CMSS1: variants seen among roughly 807,000 people sequenced by gnomAD.
CMSS1 encodes cms1 ribosomal small subunit homolog.
A neutral mutation model predicts 43.5 loss-of-function variants in CMSS1; 33 were observed. The ratio of observed to expected loss-of-function variants is 0.76; its 90% CI spans 0.57 to 1.01. The LOEUF is 1.01. Among genes scored for constraint, CMSS1 ranks in the 50% least tolerant of loss-of-function variants. The pLI is 0.00. For synonymous variants in CMSS1, 115 were observed against 117.2 expected (o/e 0.98, Z 0.12); for missense variants, 313 against 326.4 (o/e 0.96, Z 0.32).
chr3:100,087,736 T>C (rs1200593983), intron 1 of CMSS1, among the ~76,000 whole-genome samples: 1 of 152,066 alleles, frequency 6.6e-6, no homozygotes, highest in Non-Finnish European at 1.5e-5. Context: ...AGAAGACCAA[T>C]TGATCAGTGT....
At chr3:100,045,775 A>G (rs2107303579) in intron 1 of CMSS1, among the ~76,000 whole-genome samples, 1 of 152,266 alleles carries the variant, frequency 6.6e-6, no homozygotes, top group East Asian at 1.9e-4. Context: ...ATGTGGGGAA[A>G]CCACAGAAAG....
intron 2 of CMSS1, among the ~76,000 whole-genome samples, chr3:100,149,024 T>A (rs964563237): frequency 6.6e-6 from 1 of 152,194 alleles, no homozygotes; most frequent in Admixed American, 6.5e-5. Flanking sequence ...ATGCCCTCTC[T>A]GACTTTTGCC....
chr3:99,920,103 G>A (rs942802340), intron 1 of CMSS1, among the ~76,000 whole-genome samples: 1 of 152,118 alleles, frequency 6.6e-6, no homozygotes, highest in Non-Finnish European at 1.5e-5. Flanking sequence ...ACAATCCATG[G>A]TTGAAGCCAC....
intron 1 of CMSS1, among the ~76,000 whole-genome samples, chr3:100,064,624 C>A (rs2065631026): frequency 6.6e-6 from 1 of 152,322 alleles, no homozygotes; most frequent in Middle Eastern, 3.4e-3. Context: ...GGAAGGGAGA[C>A]TGGCAAAAGG....
intron 1 of CMSS1, among the ~76,000 whole-genome samples, chr3:100,143,625 A>G (rs532989405): frequency 2.6e-5 from 4 of 152,200 alleles, no homozygotes; most frequent in East Asian, 3.9e-4. Context: ...CATTCTCTCA[A>G]TTTTTAAGAG....
intron 1 of CMSS1, among the ~76,000 whole-genome samples, chr3:99,921,046 G>A (rs187262235): frequency 1.3e-5 from 2 of 152,270 alleles, no homozygotes; most frequent in East Asian, 3.9e-4. Context: ...TGCTGGGAGG[G>A]TTGCTAGTTT....
At chr3:99,920,313 T>C (rs1707086307) in intron 1 of CMSS1, among the ~76,000 whole-genome samples, 1 of 152,024 alleles carries the variant, frequency 6.6e-6, no homozygotes, top group Non-Finnish European at 1.5e-5. Context: ...GAAAAAAAAA[T>C]ATGCAAGCTT....
rs367846393 is a variant in CMSS1 at position 99,984,048 on chromosome 3, A to ATGTGTGTGTGTGTGTGTGTGTGTGTGTG, written c.65-162922_65-162921insGTGTGTGTGTGTGTGTGTGTGTGTGTGT. On this transcript the variant is annotated intron_variant, in intron 1 of 9. Transcript: ENST00000421999. ...TTAATTAGCATGAAAAAGGATGTAT[A>ATGTGTGTGTGTGTGTGTGTGTGTGTGTG]TGTATGTGTGTTTGTGTGTGTGTGT... is the stretch of plus-strand genomic sequence containing the variant. 3.1e-3 allele frequency among the ~76,000 whole-genome samples: 455 copies of ATGTGTGTGTGTGTGTGTGTGTGTGTGTG among 147,666 alleles called. 1 individual carries two copies. Among genetic ancestry groups the ATGTGTGTGTGTGTGTGTGTGTGTGTGTG allele is most frequent in the African/African-American group, 8.7e-3 (345 of 39,548 alleles).
intron 2 of CMSS1, among the ~76,000 whole-genome samples, chr3:100,156,310 T>TC (rs2066973141): frequency 7.4e-6 from 1 of 135,118 alleles, no homozygotes; most frequent in Non-Finnish European, 1.6e-5. Flanking sequence ...TTTTTTTTTT[T>TC]TTTTTTTTTT....
At chr3:100,004,057 G>A (rs1709919147) in intron 1 of CMSS1, among the ~76,000 whole-genome samples, 1 of 152,104 alleles carries the variant, frequency 6.6e-6, no homozygotes, top group South Asian at 2.1e-4. Flanking sequence ...TACTCAGATG[G>A]TTACCAAAAC....
intron 1 of CMSS1, among the ~76,000 whole-genome samples, chr3:99,919,325 C>CTTT (rs1707051771): frequency 1.3e-5 from 2 of 151,142 alleles, no homozygotes; most frequent in East Asian, 3.9e-4. Context: ...AGTATCAGGT[C>CTTT]TTAAAGCCTG....
chr3:100,083,268 A>G (rs563257280), intron 1 of CMSS1, among the ~76,000 whole-genome samples: 28 of 152,222 alleles, frequency 1.8e-4, no homozygotes, highest in Non-Finnish European at 3.5e-4. Flanking sequence ...TGCGCCTGTA[A>G]TTATTTGTTT....
chr3:100,012,922 G>A (rs2107200615), intron 1 of CMSS1, among the ~76,000 whole-genome samples: 1 of 151,860 alleles, frequency 6.6e-6, no homozygotes, highest in Non-Finnish European at 1.5e-5. Context: ...TACAGACTGT[G>A]CCACCACACC....
At chr3:99,925,802 A>C in intron 1 of CMSS1, 1 of 967,462 alleles carries the variant, frequency 1.0e-6, no homozygotes. Flanking sequence ...AGTAAAGAAC[A>C]TGCCAGTGGC....
chr3:99,836,776 G>C (rs1400397186), intron 1 of CMSS1, among the ~76,000 whole-genome samples: 1 of 152,180 alleles, frequency 6.6e-6, no homozygotes, highest in Non-Finnish European at 1.5e-5. Context: ...GGAGTGATTG[G>C]CTTGCTAGGG....
chr3:99,931,083 A>G, intron 1 of CMSS1: 1 of 1,466,990 alleles, frequency 6.8e-7, no homozygotes. Context: ...AGTTTTAATA[A>G]GAGTACCTAT....
chr3:99,826,598 C>T (rs889310459), intron 1 of CMSS1, among the ~76,000 whole-genome samples: 1 of 152,040 alleles, frequency 6.6e-6, no homozygotes, highest in Admixed American at 6.5e-5. Context: ...CAAACGCTGC[C>T]CCAAACTCAA....
At chr3:99,968,511 A>G (rs1402924446) in intron 1 of CMSS1, among the ~76,000 whole-genome samples, 3 of 152,022 alleles carry the variant, frequency 2.0e-5, no homozygotes, top group Non-Finnish European at 4.4e-5. Context: ...ATGGAAGGTG[A>G]TGGGAGGTAA....
chr3:99,934,286 G>T (rs899984197), intron 1 of CMSS1, among the ~76,000 whole-genome samples: 4 of 152,208 alleles, frequency 2.6e-5, no homozygotes, highest in Non-Finnish European at 2.9e-5. Context: ...GGAATTAACT[G>T]CAGCCATCTT....
Sources: allele counts gnomAD v4.1 joint callset (sites outside exome capture counted in the v4.1 genomes callset), GRCh38; gene constraint gnomAD v4.1.1; transcripts MANE v1.5; gene names NCBI Gene and HGNC (gene_info 2026-07-23, HGNC 2026-07-21).